Variants in ADK observed in about 807,000 individuals in gnomAD.
The protein encoded by ADK is adenosine kinase.
A neutral mutation model predicts 44.7 loss-of-function variants in ADK; 24 were observed. The ratio of observed to expected loss-of-function variants is 0.54; its 90% confidence interval spans 0.39 to 0.76. ADK has a LOEUF of 0.76. Among genes scored for constraint, ADK ranks in the 30% least tolerant of loss-of-function variants. The probability of loss-of-function intolerance (pLI) is 0.00; values close to 1 mark genes in which losing one functional copy is unlikely to be tolerated. For missense variants in ADK, 321 were observed against 425.1 expected (o/e 0.76, Z 2.15); for synonymous variants, 128 against 142.6 (o/e 0.90, Z 0.73).
intron 1 of ADK, among the ~76,000 whole-genome samples, chr10:74,181,789 A>G (rs1842566886): frequency 6.6e-6 from 1 of 152,184 alleles, no homozygotes. Flanking sequence ...TTTTCCTAAC[A>G]TCAGTGTCTA....
At chr10:74,550,362 C>T (rs1042421487) in intron 7 of ADK, among the ~76,000 whole-genome samples, 20 of 151,990 alleles carry the variant, frequency 1.3e-4, no homozygotes, top group African/African-American at 2.7e-4. Flanking sequence ...CGAGCCACCA[C>T]GTCCAGCCGA....
chr10:74,614,337 T>C (rs1004034566), intron 9 of ADK, among the ~76,000 whole-genome samples: 1 of 152,264 alleles, frequency 6.6e-6, no homozygotes, highest in East Asian at 1.9e-4. Flanking sequence ...TGTTGAGATA[T>C]AGATTACATA....
At position 74,615,445 on chromosome 10, in the gene ADK, A is replaced by G. The variant is rs1452890269; in HGVS notation, c.877+14952A>G. Among the ~76,000 whole-genome samples, 4 of 152,162 alleles carry G rather than the reference A, an allele frequency of 2.6e-5. No individual in the cohort carries two copies. The South Asian group carries it at 8.3e-4, about 32-fold the overall frequency. ...CACATAAGATCATGTAACCACCACC[A>G]TAGTTATGATACCAAAGAGTTACAT... On this transcript the variant is annotated intron_variant, in intron 9 of 10. Coordinates refer to ENST00000539909, the MANE Select transcript of ADK (RefSeq NM_006721.4).
In ADK at chr10:74,323,817, G is replaced by A. The variant is rs973685575; in HGVS notation, c.273+9072G>A. The stretch of plus-strand genomic sequence containing the variant: ...TATCTCCTGACCTTGTGATCCGCCC[G>A]CCTTGGCCTCCCAAAGTGCTGGGAT... On this transcript the variant is annotated intron_variant, in intron 4 of 10. Coordinates refer to ENST00000539909, the MANE Select transcript of ADK (RefSeq NM_006721.4). Among the ~76,000 whole-genome samples, 5 of 152,084 alleles carry A rather than the reference G, an allele frequency of 3.3e-5. No homozygotes were observed. The East Asian group carries it at 5.8e-4, about 18-fold the overall frequency.
intron 1 of ADK, among the ~76,000 whole-genome samples, chr10:74,153,930 T>C (rs1184134799): frequency 1.3e-5 from 2 of 152,174 alleles, no homozygotes; most frequent in East Asian, 3.8e-4. Context: ...TTAGACATGG[T>C]GTTAAAAACT....
intron 6 of ADK, among the ~76,000 whole-genome samples, chr10:74,412,581 A>G (rs952574729): frequency 1.3e-5 from 2 of 152,228 alleles, no homozygotes; most frequent in Non-Finnish European, 2.9e-5. Flanking sequence ...TTGAAAGTCA[A>G]AATTACTCAT....
intron 9 of ADK, among the ~76,000 whole-genome samples, chr10:74,611,837 G>A (rs1852557544): frequency 6.6e-6 from 1 of 152,084 alleles, no homozygotes; most frequent in Non-Finnish European, 1.5e-5. Flanking sequence ...AGTATTACAT[G>A]GTGTATATGT....
intron 9 of ADK, among the ~76,000 whole-genome samples, chr10:74,625,975 T>C (rs1049771362): frequency 6.6e-6 from 1 of 152,216 alleles, no homozygotes; most frequent in African/African-American, 2.4e-5. Flanking sequence ...GTGTAGTTGA[T>C]ACTAAATTAG....
At chr10:74,352,612 G>T (rs913885975) in intron 4 of ADK, among the ~76,000 whole-genome samples, 3 of 152,172 alleles carry the variant, frequency 2.0e-5, no homozygotes, top group Admixed American at 2.0e-4. Context: ...CACAGCGAAA[G>T]AAACTATCAT....
chr10:74,235,027 G>C (rs1449650218), intron 3 of ADK, among the ~76,000 whole-genome samples: 1 of 152,000 alleles, frequency 6.6e-6, no homozygotes, highest in Non-Finnish European at 1.5e-5. Flanking sequence ...GCTAGAGAGA[G>C]GTGTGATTTC....
intron 3 of ADK, among the ~76,000 whole-genome samples, chr10:74,301,828 A>G (rs1188157625): frequency 1.3e-5 from 2 of 152,056 alleles, no homozygotes; most frequent in Admixed American, 1.3e-4. Flanking sequence ...TGGGTTGAGT[A>G]TCCTTTATTA....
chr10:74,475,040 G>C (rs935412179), intron 6 of ADK, among the ~76,000 whole-genome samples: 1 of 151,904 alleles, frequency 6.6e-6, no homozygotes, highest in African/African-American at 2.4e-5. Context: ...CAGGAGAATC[G>C]CTTGAACCCG....
chr10:74,459,526 C>T (rs572451165), intron 6 of ADK, among the ~76,000 whole-genome samples: 4 of 151,408 alleles, frequency 2.6e-5, no homozygotes, highest in South Asian at 4.2e-4. Context: ...GTCAAGAGAT[C>T]GAGACCATCC....
chr10:74,224,428 TTAAGTCA>T (rs1844446593), intron 2 of ADK, 103 bp from the exon 3 acceptor site: 1 of 829,900 alleles, frequency 1.2e-6, no homozygotes, highest in Admixed American at 2.0e-5. Flanking sequence ...GTTTTATCAA[TTAAGTCA>T]GAGACCTATA....
chr10:74,543,209 TAAA>T (rs764981876), intron 7 of ADK, among the ~76,000 whole-genome samples: 2 of 141,008 alleles, frequency 1.4e-5, no homozygotes, highest in Admixed American at 7.1e-5. Flanking sequence ...CTATTTCATT[TAAA>T]AAAAAAAAAA....
chr10:74,439,185 T>C (rs1379273398), intron 6 of ADK, among the ~76,000 whole-genome samples: 1 of 152,248 alleles, frequency 6.6e-6, no homozygotes, highest in African/African-American at 2.4e-5. Context: ...AACTGTCTGA[T>C]ATATGACCAG....
chr10:74,566,139 G>C (rs1294435644), intron 7 of ADK, among the ~76,000 whole-genome samples: 1 of 141,438 alleles, frequency 7.1e-6, no homozygotes, highest in African/African-American at 2.6e-5. Context: ...CTTTCAACTT[G>C]TTTCTATGTT....
intron 3 of ADK, among the ~76,000 whole-genome samples, chr10:74,257,449 ATATG>A (rs1168624933): frequency 6.6e-6 from 1 of 152,216 alleles, no homozygotes; most frequent in African/African-American, 2.4e-5. Flanking sequence ...ATAATAATCT[ATATG>A]TATGTTTTAA....
At chr10:74,235,873 T>G (rs1448038945) in intron 3 of ADK, among the ~76,000 whole-genome samples, 1 of 152,178 alleles carries the variant, frequency 6.6e-6, no homozygotes, top group East Asian at 1.9e-4. Context: ...GTGGGTTAGT[T>G]ATCTCTTAGA....
Sources: allele counts gnomAD v4.1 joint callset (sites outside exome capture counted in the v4.1 genomes callset), GRCh38; gene constraint gnomAD v4.1.1; transcripts MANE v1.5; gene names NCBI Gene and HGNC (gene_info 2026-07-23, HGNC 2026-07-21).